The following SLIT3 variants were observed in gnomAD, a reference collection of about 807,000 sequenced individuals.
SLIT3 encodes slit guidance ligand 3, also known as slit homolog 3 protein.
SLIT3 carries 68 observed loss-of-function variants against 184.0 expected under a neutral mutation model. The observed-to-expected ratio is 0.37, with a 90% CI of 0.30 to 0.45. The LOEUF (loss-of-function observed/expected upper bound fraction) is 0.45, where lower values mean the gene tolerates loss of function less well. Among genes scored for constraint, SLIT3 ranks in the 20% least tolerant of loss-of-function variants. The pLI is 1.00. For missense variants in SLIT3, 1,707 were observed against 2,026.0 expected, an observed-to-expected ratio of 0.84 and a Z score of 3.02; for synonymous variants, 831 against 828.6, an observed-to-expected ratio of 1.00 and a Z score of -0.05.
intron 4 of SLIT3, among the ~76,000 whole-genome samples, chr5:168,889,820 C>CAAATATAAAATA (rs1382557579): frequency 6.6e-6 from 1 of 152,126 alleles, no homozygotes; most frequent in Admixed American, 6.6e-5. Context: ...CTTACTTCTA[C>CAAATATAAAATA]AAATATAAAA....
At chr5:168,966,340 T>A (rs1334969554) in intron 4 of SLIT3, among the ~76,000 whole-genome samples, 1 of 152,118 alleles carries the variant, frequency 6.6e-6, no homozygotes, top group African/African-American at 2.4e-5. Context: ...TGGATTTTTT[T>A]TTTTTTTTAA....
intron 28 of SLIT3, 56 bp downstream of exon 28, chr5:168,696,236 T>C: frequency 6.3e-7 from 1 of 1,599,806 alleles, no homozygotes; most frequent in Non-Finnish European, 8.6e-7. Context: ...GTTAAGAAAA[T>C]GGTATTCTAG....
At chr5:168,978,510 T>C (rs1490013295) in intron 4 of SLIT3, among the ~76,000 whole-genome samples, 3 of 152,216 alleles carry the variant, frequency 2.0e-5, no homozygotes, top group Admixed American at 1.3e-4. Context: ...AGGCAGAACC[T>C]GATTCTACCT....
chr5:168,851,717 C>G (rs760336410), intron 5 of SLIT3, among the ~76,000 whole-genome samples: 1 of 152,178 alleles, frequency 6.6e-6, no homozygotes. Flanking sequence ...GTGTTCGATC[C>G]TGGGAAACAA....
intron 4 of SLIT3, among the ~76,000 whole-genome samples, chr5:168,943,823 G>GA (rs1204031955): frequency 6.6e-6 from 1 of 152,134 alleles, no homozygotes; most frequent in African/African-American, 2.4e-5. Flanking sequence ...CAAACACCTT[G>GA]AATTAGTGCT....
intron 4 of SLIT3, among the ~76,000 whole-genome samples, chr5:169,191,574 C>T (rs1763552662): frequency 6.6e-6 from 1 of 152,150 alleles, no homozygotes; most frequent in Non-Finnish European, 1.5e-5. Flanking sequence ...ACTTACAGTT[C>T]CTCTACAAGG....
At chr5:169,115,255 C>T (rs1402424286) in intron 4 of SLIT3, among the ~76,000 whole-genome samples, 1 of 152,158 alleles carries the variant, frequency 6.6e-6, no homozygotes, top group Non-Finnish European at 1.5e-5. Flanking sequence ...CAGAAGGAAG[C>T]TTGGAAGCTT....
At chr5:169,151,366 C>G (rs1561699631) in intron 4 of SLIT3, among the ~76,000 whole-genome samples, 1 of 152,182 alleles carries the variant, frequency 6.6e-6, no homozygotes. Flanking sequence ...TCCCTGAGCT[C>G]CATCCATAGT....
chr5:168,722,787 T>G, intron 22 of SLIT3, 146 bp downstream of exon 22: 1 of 678,844 alleles, frequency 1.5e-6, no homozygotes, highest in Non-Finnish European at 2.7e-6. Context: ...TTCCTTCTGA[T>G]GATTAAGGTG....
intron 20 of SLIT3, among the ~76,000 whole-genome samples, chr5:168,727,262 G>A (rs1354629605): frequency 6.6e-6 from 1 of 152,202 alleles, no homozygotes; most frequent in Non-Finnish European, 1.5e-5. Context: ...CAAGGTTGCA[G>A]TGAGCTGAGA....
chr5:168,763,032 G>A (rs2113508872), intron 14 of SLIT3, among the ~76,000 whole-genome samples: 1 of 152,238 alleles, frequency 6.6e-6, no homozygotes, highest in East Asian at 1.9e-4. Flanking sequence ...CCTTGGTGCA[G>A]GTGTACAGTC....
In SLIT3 at chr5:168,663,617, C is replaced by CTAT. The variant is rs1760941873; in HGVS notation, c.*2836_*2837insATA. 6.6e-6 allele frequency: 1 copy of CTAT among 152,244 alleles called. No homozygotes were observed. The highest frequency in any genetic ancestry group is 1.5e-5 in the Non-Finnish European group (1 of 68,154). 9.4% of individuals were successfully genotyped at this position (152,244 alleles called of 1,614,324 possible). A position where few individuals can be genotyped will look rare whatever the true frequency, so the allele number is the denominator to read the frequency against. On this transcript the variant is annotated 3_prime_UTR_variant, in exon 36 of 36. Transcript: ENST00000519560. ...ACAGCTCTTTGTGGTCAAAACCCTA[C>CTAT]CTTCCTACCTACCCCATTTCTCTCT...
chr5:168,678,738 A>T (rs1270081633), intron 32 of SLIT3, among the ~76,000 whole-genome samples: 1 of 152,176 alleles, frequency 6.6e-6, no homozygotes, highest in Non-Finnish European at 1.5e-5. Context: ...TTGAAACAAA[A>T]TAATGGGAAA....
intron 8 of SLIT3, among the ~76,000 whole-genome samples, chr5:168,809,655 G>A (rs1474362064): frequency 6.6e-6 from 1 of 152,226 alleles, no homozygotes; most frequent in Non-Finnish European, 1.5e-5. Flanking sequence ...TGGCAGTGGT[G>A]TTTTTGGTCT....
At chr5:169,267,535 A>G (rs1766441578) in intron 1 of SLIT3, among the ~76,000 whole-genome samples, 1 of 152,230 alleles carries the variant, frequency 6.6e-6, no homozygotes, top group Admixed American at 6.5e-5. Flanking sequence ...CAATGGCTTG[A>G]GATCTAAAGT....
intron 1 of SLIT3, among the ~76,000 whole-genome samples, chr5:169,277,646 C>A (rs1766856858): frequency 6.6e-6 from 1 of 152,082 alleles, no homozygotes; most frequent in Non-Finnish European, 1.5e-5. Context: ...TTTGTTTATC[C>A]ATTCATCTGT....
intron 5 of SLIT3, among the ~76,000 whole-genome samples, chr5:168,864,486 T>C (rs761759609): frequency 1.3e-5 from 2 of 152,230 alleles, no homozygotes; most frequent in African/African-American, 4.8e-5. Flanking sequence ...AATGAGATTA[T>C]GTTTAAGTAA....
intron 4 of SLIT3, among the ~76,000 whole-genome samples, chr5:168,946,981 A>C (rs1035772042): frequency 5.3e-5 from 8 of 152,130 alleles, no homozygotes; most frequent in African/African-American, 1.9e-4. Context: ...TAAATGGTGA[A>C]TGTATGGGGG....
chr5:169,081,252 G>A (rs1759033198), intron 4 of SLIT3, among the ~76,000 whole-genome samples: 1 of 152,210 alleles, frequency 6.6e-6, no homozygotes, highest in African/African-American at 2.4e-5. Context: ...CATTAAACAA[G>A]GGTAGGGGGT....
Sources: allele counts gnomAD v4.1 joint callset (sites outside exome capture counted in the v4.1 genomes callset), GRCh38; gene constraint gnomAD v4.1.1; transcripts MANE v1.5; gene names NCBI Gene and HGNC (gene_info 2026-07-23, HGNC 2026-07-21).